The following IL23R variants were observed in gnomAD, a reference collection of about 807,000 sequenced individuals.
IL23R encodes the protein interleukin 23 receptor.
In IL23R, 34 loss-of-function variants were observed where a neutral mutation model predicts 56.9. That is an observed-to-expected ratio of 0.60 (90% CI 0.45 to 0.80). The LOEUF is 0.80. Among genes scored for constraint, IL23R ranks in the 30% least tolerant of loss-of-function variants. IL23R has a pLI of 0.00. For missense variants in IL23R, 635 were observed against 730.0 expected, an observed-to-expected ratio of 0.87 and a Z score of 1.50; for synonymous variants, 230 against 249.2, an observed-to-expected ratio of 0.92 and a Z score of 0.73.
chr1:67,262,258 CAG>C (rs2100404856), downstream of IL23R, among the ~76,000 whole-genome samples: 1 of 152,156 alleles, frequency 6.6e-6, no homozygotes, highest in Non-Finnish European at 1.5e-5. Flanking sequence ...GGGGAAGAGA[CAG>C]ACAGTAAATT....
chr1:67,243,016 AC>A (rs1651951781), intron 9 of IL23R, among the ~76,000 whole-genome samples: 1 of 152,232 alleles, frequency 6.6e-6, no homozygotes, highest in Non-Finnish European at 1.5e-5. Flanking sequence ...AAGTCACCAC[AC>A]AAACATATTT....
chr1:67,261,634 T>C (rs1653208050), downstream of IL23R, among the ~76,000 whole-genome samples: 1 of 152,138 alleles, frequency 6.6e-6, no homozygotes, highest in South Asian at 2.1e-4. Flanking sequence ...AAAAGGAGAA[T>C]CATAAAGTAG....
rs140748947 is a variant in IL23R at position 67,147,560 on chromosome 1, C to T, written c.-634+8399C>T. The stretch of plus-strand genomic sequence containing the variant: ...TCAAAAACTACAAAAATTAGCCAGG[C>T]GTGTTGGCAGGCACCTGTAATCCCA... On this transcript the variant is annotated intron_variant, in intron 1 of 10. Coordinates refer to the IL23R transcript ENST00000637002. Among the ~76,000 whole-genome samples the T allele has an allele frequency of 5.8e-3, 883 of 152,000 alleles. 7 individuals are homozygous for T. Among genetic ancestry groups the T allele is most frequent in the African/African-American group, 0.021 (851 of 41,466 alleles).
At chr1:67,181,561 C>A (rs1268889792) in intron 3 of IL23R, among the ~76,000 whole-genome samples, 4 of 152,140 alleles carry the variant, frequency 2.6e-5, no homozygotes, top group African/African-American at 7.2e-5. Flanking sequence ...TTTTTAACTT[C>A]TTTGCCATGG....
intron 10 of IL23R, among the ~76,000 whole-genome samples, chr1:67,256,544 C>T (rs1341225293): frequency 1.3e-5 from 2 of 152,108 alleles, no homozygotes; most frequent in South Asian, 2.1e-4. Flanking sequence ...CCCTGGCCCT[C>T]GGGATTGGCT....
chr1:67,222,116 T>C (rs1488193062), intron 7 of IL23R, among the ~76,000 whole-genome samples: 3 of 125,454 alleles, frequency 2.4e-5, no homozygotes, highest in East Asian at 2.2e-4. Flanking sequence ...TTTTTTTTTT[T>C]TTTTTTTTTT....
intron 3 of IL23R, among the ~76,000 whole-genome samples, chr1:67,170,267 G>A (rs2295359): frequency 0.32 from 49,064 of 152,016 alleles, 8,361 homozygotes; most frequent in Admixed American, 0.46. Context: ...GGAAGCATAT[G>A]ATAAAGTTTA....
intron 6 of IL23R, among the ~76,000 whole-genome samples, chr1:67,218,346 G>GTATA (rs1375633931): frequency 8.5e-5 from 12 of 141,204 alleles, no homozygotes; most frequent in African/African-American, 3.3e-4. Context: ...GTGTGTGTGT[G>GTATA]TGTGTGTGTG....
chr1:67,177,991 A>G (rs965979638), intron 3 of IL23R, among the ~76,000 whole-genome samples: 3 of 151,440 alleles, frequency 2.0e-5, no homozygotes, highest in African/African-American at 7.4e-5. Context: ...CTGTTTTGGT[A>G]CCAGTATCCT....
chr1:67,243,111 TA>T (rs1335745458), intron 9 of IL23R, among the ~76,000 whole-genome samples: 6 of 152,170 alleles, frequency 3.9e-5, no homozygotes, highest in African/African-American at 1.4e-4. Context: ...TCTGGAAGGA[TA>T]AGGTGGCTGT....
chr1:67,229,296 A>T (rs962199764), intron 7 of IL23R, among the ~76,000 whole-genome samples: 3 of 152,202 alleles, frequency 2.0e-5, no homozygotes, highest in Non-Finnish European at 4.4e-5. Context: ...TTACTGGTTT[A>T]TGATAAACAG....
chr1:67,226,548 T>C (rs149342001), intron 7 of IL23R, among the ~76,000 whole-genome samples: 458 of 152,312 alleles, frequency 3.0e-3, no homozygotes, highest in African/African-American at 0.011. Flanking sequence ...GCCATTCTTC[T>C]GCTCTTCTAT....
chr1:67,192,519 T>C (rs1032869711), intron 4 of IL23R, among the ~76,000 whole-genome samples: 5 of 152,324 alleles, frequency 3.3e-5, no homozygotes, highest in Admixed American at 2.6e-4. Context: ...AATTCCTCAA[T>C]GTATATCTGT....
At chr1:67,201,463 C>CTTAT (rs1271900130) in intron 5 of IL23R, among the ~76,000 whole-genome samples, 2 of 148,208 alleles carry the variant, frequency 1.3e-5, no homozygotes, top group Non-Finnish European at 3.0e-5. Flanking sequence ...TTGGAAACTT[C>CTTAT]TTATTTTCAA....
chr1:67,246,369 G>T (rs761833927), intron 9 of IL23R, among the ~76,000 whole-genome samples: 124 of 152,072 alleles, frequency 8.2e-4, no homozygotes, highest in Non-Finnish European at 1.4e-3. Flanking sequence ...GAATTTGTTT[G>T]CTCTTGCTTC....
At chr1:67,235,074 G>A (rs1461009645) in intron 7 of IL23R, among the ~76,000 whole-genome samples, 2 of 152,178 alleles carry the variant, frequency 1.3e-5, no homozygotes, top group East Asian at 3.9e-4. Context: ...ACATTGGCCT[G>A]TAAAGATAGC....
At position 67,169,442 on chromosome 1, in the gene IL23R, G is replaced by A; in HGVS notation, c.171G>A (p.Lys57=). The change falls in exon 3 of 11, where the codon AAG becomes AAA. Residue 57 remains lysine (K), a synonymous_variant. Transcript: ENST00000347310. ...CTATATATTGCCAAGCAGCAATTAA[G>A]AACTGCCAACCAAGGAAACTTCATT... is the stretch of plus-strand genomic sequence containing the variant. ...NISIYCQAAI[K]NCQPRKLHFY... 1 of 1,613,730 alleles carries A rather than the reference G, an allele frequency of 6.2e-7. No homozygotes were observed. Among genetic ancestry groups the A allele is most frequent in the South Asian group, 1.1e-5 (1 of 91,080 alleles).
chr1:67,195,815 G>T (rs1329047617), intron 4 of IL23R, among the ~76,000 whole-genome samples: 1 of 152,092 alleles, frequency 6.6e-6, no homozygotes, highest in Admixed American at 6.5e-5. Context: ...ATAAAATATA[G>T]AATTTCTATA....
intron 9 of IL23R, among the ~76,000 whole-genome samples, chr1:67,251,940 A>G (rs1318040174): frequency 6.6e-6 from 1 of 152,202 alleles, no homozygotes; most frequent in East Asian, 1.9e-4. Flanking sequence ...TTGAAGGCAG[A>G]GACCAAGAAA....
Sources: allele counts gnomAD v4.1 joint callset (sites outside exome capture counted in the v4.1 genomes callset), GRCh38; gene constraint gnomAD v4.1.1; transcripts MANE v1.5; gene names NCBI Gene and HGNC (gene_info 2026-07-23, HGNC 2026-07-21).